The following LPP variants were observed in gnomAD, a reference collection of about 807,000 sequenced individuals.
LPP encodes the protein LIM domain containing preferred translocation partner in lipoma.
Under a neutral mutation model 60.4 loss-of-function variants are expected in LPP, and 38 were observed. That is an observed-to-expected ratio of 0.63 (90% CI 0.49 to 0.83). The LOEUF is 0.83. LPP is among the 40% of genes least tolerant of loss of function. The pLI, the probability that LPP is intolerant of heterozygous loss-of-function variation, is 0.00. For missense variants in LPP, 902 were observed against 783.6 expected (o/e 1.15, Z -1.80); for synonymous variants, 328 against 290.8 (o/e 1.13, Z -1.30).
chr3:188,347,611 T>C (rs528333924), intron 3 of LPP, among the ~76,000 whole-genome samples: 2 of 152,276 alleles, frequency 1.3e-5, no homozygotes, highest in East Asian at 1.9e-4. Context: ...CCCCATTATA[T>C]TGAGCTTGAG....
At chr3:188,831,378 CT>C (rs1757098386) in intron 9 of LPP, among the ~76,000 whole-genome samples, 1 of 152,120 alleles carries the variant, frequency 6.6e-6, no homozygotes, top group Admixed American at 6.5e-5. Flanking sequence ...GAGGAGTCTC[CT>C]AGGAGTAGTT....
At position 188,884,065 on chromosome 3, in the gene LPP, G is replaced by A. The variant is rs1770378536; in HGVS notation, c.*9586G>A. 1 of 222,620 alleles carries A rather than the reference G, an allele frequency of 4.5e-6. No individual in the cohort carries two copies. Among genetic ancestry groups the A allele is most frequent in the Admixed American group, 5.7e-5 (1 of 17,412 alleles). The allele number at this position is 222,620 out of a possible 1,614,324, so 13.8% of individuals were successfully genotyped here. A position where few individuals can be genotyped will look rare whatever the true frequency, so the allele number is the denominator to read the frequency against. On this transcript the variant is annotated 3_prime_UTR_variant, in exon 12 of 12. Transcript: ENST00000617246. ...AGCAGAAACTGCCATCAGTCTCCTGGGCAGGACCTGGAGGTAACTTTCTGA... is the reference window on the plus strand; with the variant it reads ...AGCAGAAACTGCCATCAGTCTCCTGAGCAGGACCTGGAGGTAACTTTCTGA...
At chr3:188,155,570 A>G (rs1245695476) in intron 1 of LPP, among the ~76,000 whole-genome samples, 1 of 152,202 alleles carries the variant, frequency 6.6e-6, no homozygotes, top group Non-Finnish European at 1.5e-5. Flanking sequence ...AAGAATAGGT[A>G]AAGGTCCACG....
intron 9 of LPP, among the ~76,000 whole-genome samples, chr3:188,789,808 T>C (rs1184529181): frequency 6.6e-6 from 1 of 152,070 alleles, no homozygotes; most frequent in Non-Finnish European, 1.5e-5. Context: ...AAAATAAAAA[T>C]AACAAATGAA....
Position 188,776,067 on chromosome 3 carries a change from G to T in LPP, c.1410+15785G>T, listed in dbSNP as rs557373863. On this transcript the variant is annotated intron_variant, in intron 9 of 11. Transcript: ENST00000617246. Reference sequence around the variant, plus strand: ...TGCTCCGTGCTATGCGGAATACAGCGCAGTGTGAGACTTGTTCACGCTCTC... The same window carrying T: ...TGCTCCGTGCTATGCGGAATACAGCTCAGTGTGAGACTTGTTCACGCTCTC... 6.6e-5 allele frequency among the ~76,000 whole-genome samples: 10 copies of T among 152,350 alleles called. No individual in the cohort carries two copies. In the South Asian group the frequency reaches 1.9e-3, roughly 28 times the overall value.
chr3:188,832,877 C>T (rs954364567), intron 9 of LPP, among the ~76,000 whole-genome samples: 10 of 152,178 alleles, frequency 6.6e-5, no homozygotes, highest in Non-Finnish European at 2.9e-5. Flanking sequence ...TGAACCATCC[C>T]AGTGCCATTC....
At chr3:188,671,361 T>TTGCA (rs1281206235) in intron 7 of LPP, among the ~76,000 whole-genome samples, 7 of 152,236 alleles carry the variant, frequency 4.6e-5, no homozygotes, top group Non-Finnish European at 1.0e-4. Context: ...AGTTAAAGGC[T>TTGCA]ATAAAAATTT....
At chr3:188,488,654 T>C (rs1486082565) in intron 5 of LPP, among the ~76,000 whole-genome samples, 1 of 149,798 alleles carries the variant, frequency 6.7e-6, no homozygotes, top group Non-Finnish European at 1.5e-5. Context: ...TTATTTATTT[T>C]GATACAGAGT....
intron 6 of LPP, among the ~76,000 whole-genome samples, chr3:188,584,949 T>C (rs1419502686): frequency 6.6e-6 from 1 of 152,178 alleles, no homozygotes. Context: ...TGAAAGTTTT[T>C]TCATGTAGTT....
intron 3 of LPP, among the ~76,000 whole-genome samples, chr3:188,346,239 A>G (rs1764315766): frequency 6.8e-6 from 1 of 147,506 alleles, no homozygotes; most frequent in Non-Finnish European, 1.5e-5. Flanking sequence ...GGACCTGCCT[A>G]AAGTAGCAAA....
Position 188,221,519 on chromosome 3 carries a change from C to A in LPP, c.-189-3886C>A, listed in dbSNP as rs1233345001. 5.9e-5 allele frequency among the ~76,000 whole-genome samples: 9 copies of A among 152,194 alleles called. No individual in the cohort carries two copies. In the East Asian group the frequency reaches 1.7e-3, roughly 29 times the overall value. On this transcript the variant is annotated intron_variant, in intron 1 of 11. Transcript: ENST00000617246. ...CCCTGAATGCAGAACATGTGACATT[C>A]TGTTAACTAACAGTTGTGCCAGAGT...
chr3:188,498,762 T>C (rs1810975998), intron 5 of LPP, among the ~76,000 whole-genome samples: 1 of 152,198 alleles, frequency 6.6e-6, no homozygotes, highest in Admixed American at 6.5e-5. Context: ...CTGTACTGTT[T>C]CCATTCCTCA....
intron 6 of LPP, among the ~76,000 whole-genome samples, chr3:188,587,970 G>A (rs959466945): frequency 2.0e-5 from 3 of 152,164 alleles, no homozygotes; most frequent in African/African-American, 7.2e-5. Context: ...CATGCATCTG[G>A]TTCTGTGGTC....
chr3:188,395,797 G>A (rs1168353519), intron 3 of LPP, among the ~76,000 whole-genome samples: 3 of 151,912 alleles, frequency 2.0e-5, no homozygotes, highest in Admixed American at 6.6e-5. Flanking sequence ...CTATAGTCCC[G>A]ACTACTTTGG....
At chr3:188,321,066 T>C (rs573147209) in intron 2 of LPP, among the ~76,000 whole-genome samples, 2 of 152,374 alleles carry the variant, frequency 1.3e-5, no homozygotes, top group African/African-American at 4.8e-5. Context: ...TCCTGCAGTC[T>C]CTTGGTCTTG....
At chr3:188,369,212 G>A (rs1578384912) in intron 3 of LPP, among the ~76,000 whole-genome samples, 2 of 152,136 alleles carry the variant, frequency 1.3e-5, no homozygotes, top group East Asian at 3.9e-4. Context: ...TTAACCTAGT[G>A]ATAGCAACAA....
chr3:188,680,868 G>A (rs962464631), intron 7 of LPP, among the ~76,000 whole-genome samples: 8 of 152,118 alleles, frequency 5.3e-5, no homozygotes, highest in African/African-American at 1.2e-4. Context: ...CATACTCAGC[G>A]CTGGAGCACT....
Position 188,876,440 on chromosome 3 carries a change from A to T in LPP, c.*1961A>T, listed in dbSNP as rs1278484687. 5.1e-6 allele frequency: 1 copy of T among 194,632 alleles called. No homozygotes were observed. Among genetic ancestry groups the T allele is most frequent in the African/African-American group, 2.3e-5 (1 of 43,122 alleles). 12.1% of individuals were successfully genotyped at this position (194,632 alleles called of 1,614,324 possible). On this transcript the variant is annotated 3_prime_UTR_variant, in exon 12 of 12. Coordinates refer to ENST00000617246, the MANE Select transcript of LPP (RefSeq NM_001375462.1). Reference sequence around the variant, plus strand: ...TCTTACCCTAGTTCTCTTATCTTTGATCGTATATTTCTCATAATGTGAAAT... The same window carrying T: ...TCTTACCCTAGTTCTCTTATCTTTGTTCGTATATTTCTCATAATGTGAAAT...
intron 3 of LPP, among the ~76,000 whole-genome samples, chr3:188,353,960 A>AC (rs1578276670): frequency 6.7e-6 from 1 of 149,020 alleles, no homozygotes; most frequent in Non-Finnish European, 1.5e-5. Flanking sequence ...AAACTAGACC[A>AC]CTTTTTTTTT....
Sources: allele counts gnomAD v4.1 joint callset (sites outside exome capture counted in the v4.1 genomes callset), GRCh38; gene constraint gnomAD v4.1.1; transcripts MANE v1.5; gene names NCBI Gene and HGNC (gene_info 2026-07-23, HGNC 2026-07-21).